BHMT2: variants seen among roughly 807,000 people sequenced by gnomAD.
BHMT2 encodes betaine--homocysteine S-methyltransferase 2.
Under a neutral mutation model 39.0 loss-of-function variants are expected in BHMT2, and 28 were observed. That is an observed-to-expected ratio of 0.72 (90% CI 0.53 to 0.98). The LOEUF is 0.98. BHMT2 is among the 50% of genes least tolerant of loss of function. The pLI is 0.00. For missense variants in BHMT2, 410 were observed against 455.6 expected (o/e 0.90, Z 0.91); for synonymous variants, 145 against 160.6 (o/e 0.90, Z 0.74).
rs1416968356 is a variant in BHMT2 at position 79,082,936 on chromosome 5, C to T, written c.578C>T (p.Ala193Val). The T allele has an allele frequency of 6.2e-7, 1 of 1,614,016 alleles. No homozygotes were observed. Among genetic ancestry groups the T allele is most frequent in the Non-Finnish European group, 8.5e-7 (1 of 1,180,036 alleles). Residue 193 changes from alanine to valine, a missense_variant, in exon 5 of 8, where the codon GCT becomes GTT. Transcript: ENST00000255192. Reference sequence around the variant, plus strand: ...CATGATATAACCCCCGGAGAATGTGCTGTGAGGCTGGTGAAGGCAGGTAAT... The same window carrying T: ...CATGATATAACCCCCGGAGAATGTGTTGTGAGGCTGGTGAAGGCAGGTAAT... The part of the protein sequence containing the change: ...DMHDITPGEC[A>V]VRLVKAGASI...
chr5:79,077,504 G>A lies in BHMT2; in HGVS notation c.58G>A (p.Gly20Arg). ...GGGGATTTTGGAGCGCCTGGAGAGT[G>A]GGGAGGTTGTGATTGGAGATGGCAG... is the stretch of plus-strand genomic sequence containing the variant. Reference protein sequence around the residue: ...KKGILERLESGEVVIGDGSFL... With the variant: ...KKGILERLESREVVIGDGSFL... The change falls in exon 2 of 8, where the codon GGG becomes AGG. Residue 20 changes from glycine to arginine, a missense_variant. Coordinates refer to ENST00000255192, the MANE Select transcript of BHMT2 (RefSeq NM_017614.5). 6.2e-7 allele frequency: 1 copy of A among 1,613,860 alleles called. No homozygotes were observed. The highest frequency in any genetic ancestry group is 8.5e-7 in the Non-Finnish European group (1 of 1,179,946).
chr5:79,081,795 G>C (rs745439052), intron 4 of BHMT2, among the ~76,000 whole-genome samples: 1 of 152,092 alleles, frequency 6.6e-6, no homozygotes, highest in Non-Finnish European at 1.5e-5. Context: ...GGGAGGCGGA[G>C]GTTGCAGTGA....
intron 7 of BHMT2, among the ~76,000 whole-genome samples, chr5:79,086,815 T>C (rs1389067239): frequency 6.6e-6 from 1 of 151,984 alleles, no homozygotes; most frequent in African/African-American, 2.4e-5. Context: ...GGCTTCACTT[T>C]CCCTGAGGTC....
At chr5:79,083,479 A>G in intron 6 of BHMT2, 105 bp downstream of exon 6, 1 of 1,477,638 alleles carries the variant, frequency 6.8e-7, no homozygotes, top group South Asian at 1.4e-5. Context: ...GCATATGACA[A>G]AACATTCAGA....
intron 4 of BHMT2, 25 bp downstream of exon 4, chr5:79,080,903 G>T (rs770908476): frequency 2.0e-6 from 3 of 1,532,862 alleles, no homozygotes; most frequent in Non-Finnish European, 2.6e-6. Flanking sequence ...GGAGGAAAAG[G>T]ATTGAACCTA....
At chr5:79,082,993 G>A in intron 5 of BHMT2, 37 bp downstream of exon 5, 1 of 1,611,526 alleles carries the variant, frequency 6.2e-7, no homozygotes, top group Non-Finnish European at 8.5e-7. Flanking sequence ...CAGCTCAGTT[G>A]TTGCTTACGA....
At chr5:79,082,616 T>C (rs1315937084) in intron 4 of BHMT2, 193 bp from the exon 5 acceptor site, 2 of 545,530 alleles carry the variant, frequency 3.7e-6, no homozygotes, top group African/African-American at 1.9e-5. Context: ...ATGTTATTGT[T>C]ATAGGAATGA....
At chr5:79,081,862 A>T (rs1214486728) in intron 4 of BHMT2, among the ~76,000 whole-genome samples, 1 of 152,008 alleles carries the variant, frequency 6.6e-6, no homozygotes, top group East Asian at 1.9e-4. Context: ...ACTCTGTCTC[A>T]AAAGAGAGAG....
intron 7 of BHMT2, 96 bp from the exon 8 acceptor site, chr5:79,088,396 GT>G: frequency 1.5e-6 from 1 of 686,640 alleles, no homozygotes; most frequent in Non-Finnish European, 2.4e-6. Context: ...GTGTGTGTGT[GT>G]GGTTATATAC....
rs1243785882 is a variant in BHMT2, at chr5:79,088,866, C to A, written c.*292C>A. On this transcript the variant is annotated 3_prime_UTR_variant, in exon 8 of 8. Coordinates refer to ENST00000255192, the MANE Select transcript of BHMT2 (RefSeq NM_017614.5). The stretch of plus-strand genomic sequence containing the variant: ...TGCTGTGGTGCATTCCTTTGAAGAT[C>A]ATGAAGAATAGCCAAACTTGTCTTT... The A allele has an allele frequency of 3.7e-5, 9 of 240,042 alleles. No individual in the cohort carries two copies. The highest frequency in any genetic ancestry group is 1.8e-4 in the African/African-American group (8 of 44,586). 14.9% of individuals were successfully genotyped at this position (240,042 alleles called of 1,614,324 possible).
intron 7 of BHMT2, among the ~76,000 whole-genome samples, chr5:79,086,426 G>A (rs1421856836): frequency 6.6e-6 from 1 of 152,170 alleles, no homozygotes; most frequent in African/African-American, 2.4e-5. Flanking sequence ...TGCAGTGTCT[G>A]TCTTGCAACT....
At chr5:79,073,104 C>T (rs1344822537) in intron 1 of BHMT2, among the ~76,000 whole-genome samples, 1 of 151,806 alleles carries the variant, frequency 6.6e-6, no homozygotes, top group East Asian at 1.9e-4. Flanking sequence ...GCTGGGATTA[C>T]AGGCACCTGC....
intron 3 of BHMT2, among the ~76,000 whole-genome samples, 154 bp downstream of exon 3, chr5:79,079,614 G>T (rs1383071532): frequency 1.3e-5 from 2 of 152,196 alleles, no homozygotes; most frequent in African/African-American, 4.8e-5. Context: ...ATACTAAATA[G>T]GTCGGGCACA....
At position 79,082,891 on chromosome 5, in the gene BHMT2, T is replaced by C. The variant is rs765522826; in HGVS notation, c.533T>C (p.Ile178Thr). 1.9e-6 allele frequency: 3 copies of C among 1,614,164 alleles called. No individual in the cohort carries two copies. The South Asian group carries it at 3.3e-5, about 18-fold the overall frequency. The change falls in exon 5 of 8, where the codon ATA becomes ACA. Residue 178 changes from isoleucine to threonine, a missense_variant. Coordinates refer to ENST00000255192, the MANE Select transcript of BHMT2 (RefSeq NM_017614.5). ...SDRPVAVTMC[I>T]GPEGDMHDIT... is the part of the protein sequence containing the mutation. ...AGACCCGTGGCAGTTACCATGTGCATAGGCCCAGAGGGAGACATGCATGAT... is the reference window on the plus strand; with the variant it reads ...AGACCCGTGGCAGTTACCATGTGCACAGGCCCAGAGGGAGACATGCATGAT...
At chr5:79,071,367 T>C (rs1348954550) in intron 1 of BHMT2, among the ~76,000 whole-genome samples, 3 of 150,966 alleles carry the variant, frequency 2.0e-5, no homozygotes, top group Non-Finnish European at 4.4e-5. Flanking sequence ...CACAGTGAAG[T>C]TGATCCCCAC....
chr5:79,082,459 A>G, intron 4 of BHMT2: 1 of 179,868 alleles, frequency 5.6e-6, no homozygotes, highest in Non-Finnish European at 1.2e-5. Context: ...TGAATCTAAA[A>G]TTTATTAGCA....
At chr5:79,077,742 G>C in intron 2 of BHMT2, 130 bp downstream of exon 2, 5 of 1,140,686 alleles carry the variant, frequency 4.4e-6, no homozygotes, top group Non-Finnish European at 6.2e-6. Flanking sequence ...CCAAGATGTG[G>C]AGATAATGGC....
chr5:79,084,253 G>T (rs1438297745), intron 7 of BHMT2, among the ~76,000 whole-genome samples: 2 of 151,876 alleles, frequency 1.3e-5, no homozygotes, highest in African/African-American at 2.4e-5. Context: ...GCTCCCTGGG[G>T]CCTCTTGTCT....
chr5:79,076,539 G>A (rs983184011), intron 1 of BHMT2, among the ~76,000 whole-genome samples: 2 of 152,196 alleles, frequency 1.3e-5, no homozygotes, highest in East Asian at 3.8e-4. Flanking sequence ...AATAAGTTAT[G>A]AGTGGGCTAA....
Sources: gnomAD v4.1 joint callset for allele counts (sites outside exome capture counted in the v4.1 genomes callset) on GRCh38, gnomAD v4.1.1 for gene constraint, MANE v1.5 for transcripts, NCBI Gene and HGNC (gene_info 2026-07-23, HGNC 2026-07-21) for gene names.